The following RAB37 variants were observed in gnomAD, a reference collection of about 807,000 sequenced individuals.
The protein encoded by RAB37 is RAB37, member RAS oncogene family.
In RAB37, 29 loss-of-function variants were observed where a neutral mutation model predicts 33.1. The observed-to-expected ratio is 0.88, with a 90% confidence interval of 0.65 to 1.20. The LOEUF (loss-of-function observed/expected upper bound fraction) is 1.20. Ranked by LOEUF, RAB37 falls within the 50% of genes most tolerant of loss-of-function variation. The pLI, the probability that RAB37 is intolerant of heterozygous loss-of-function variation, is 0.00. For missense variants in RAB37, 299 were observed against 301.1 expected (o/e 0.99, Z 0.05); for synonymous variants, 128 against 119.5 (o/e 1.07, Z -0.47).
In RAB37 at chr17:74,731,287, G is replaced by A. The variant is rs117526638; in HGVS notation, c.183+1921G>A. On this transcript the variant is annotated intron_variant, in intron 2 of 7. Transcript: ENST00000340415. ...GGCCAGGCTGTAGCCTGCAACTCCT[G>A]CATGATGGGAAGGGAGGCAGGTGCT... is the stretch of plus-strand genomic sequence containing the variant. 9.6e-3 allele frequency among the ~76,000 whole-genome samples: 1,468 copies of A among 152,340 alleles called. 11 individuals are homozygous for A. Among genetic ancestry groups the A allele is most frequent in the Middle Eastern group, 0.024 (7 of 294 alleles).
chr17:74,737,196 G>A (rs1407504365), upstream of RAB37: 1 of 1,531,390 alleles, frequency 6.5e-7, no homozygotes, highest in Non-Finnish European at 8.7e-7. Flanking sequence ...GGGGAGGAGT[G>A]GGCGGGGCGG....
chr17:74,713,458 C>T (rs945493757), intron 1 of RAB37, among the ~76,000 whole-genome samples: 2 of 152,060 alleles, frequency 1.3e-5, no homozygotes, highest in African/African-American at 4.8e-5. Flanking sequence ...AAGAGAACTT[C>T]GTGGCTCCTC....
intron 1 of RAB37, among the ~76,000 whole-genome samples, chr17:74,674,523 C>T (rs986302336): frequency 1.4e-4 from 21 of 151,932 alleles, no homozygotes; most frequent in Admixed American, 9.8e-4. Flanking sequence ...ACTAAAAATA[C>T]AAAAATCAGC....
rs774904081 is a variant in RAB37, at chr17:74,703,131, G to A, written c.73-26125G>A. On this transcript the variant is annotated intron_variant, in intron 1 of 7. Transcript: ENST00000340415. ...CGTAGTGGAGGTAGGCGTGGTGGGG[G>A]CAGGAGTCGACGCTGTAGTTGATGC... is the stretch of plus-strand genomic sequence containing the variant. The A allele has an allele frequency of 9.9e-6, 16 of 1,613,354 alleles. No individual in the cohort carries two copies. In the South Asian group the frequency reaches 1.6e-4, roughly 17 times the overall value.
chr17:74,717,504 C>T (rs1371101417), intron 1 of RAB37, among the ~76,000 whole-genome samples: 1 of 152,106 alleles, frequency 6.6e-6, no homozygotes, highest in Non-Finnish European at 1.5e-5. Flanking sequence ...GGGATTAGTG[C>T]CCTTATAAGA....
chr17:74,718,222 AGACG>A (rs1243905497), intron 1 of RAB37, among the ~76,000 whole-genome samples: 9 of 152,146 alleles, frequency 5.9e-5, no homozygotes, highest in African/African-American at 2.2e-4. Context: ...TGAGCCCAGG[AGACG>A]GAGGTTGCAG....
intron 1 of RAB37, among the ~76,000 whole-genome samples, chr17:74,721,220 T>G (rs1045853950): frequency 6.6e-6 from 1 of 152,170 alleles, no homozygotes; most frequent in Non-Finnish European, 1.5e-5. Flanking sequence ...GGCTTGAGGG[T>G]GGAGCCATCG....
intron 1 of RAB37, among the ~76,000 whole-genome samples, chr17:74,740,474 TGG>T (rs2034585598): frequency 6.6e-6 from 1 of 152,162 alleles, no homozygotes; most frequent in South Asian, 2.1e-4. Flanking sequence ...GGTGGTTCTC[TGG>T]GGCCACAGAG....
At chr17:74,724,555 CT>C (rs1346469942) in intron 1 of RAB37, among the ~76,000 whole-genome samples, 13 of 152,318 alleles carry the variant, frequency 8.5e-5, no homozygotes, top group African/African-American at 3.1e-4. Context: ...AGCAACGTGG[CT>C]GTTTATTTCA....
At chr17:74,703,925 G>T (rs966311080) in intron 1 of RAB37, among the ~76,000 whole-genome samples, 1 of 152,248 alleles carries the variant, frequency 6.6e-6, no homozygotes, top group African/African-American at 2.4e-5. Flanking sequence ...CACACAAATG[G>T]CTCATGGTGG....
rs2034666793 is a variant in RAB37, at chr17:74,743,284, C to T, written c.314-4C>T. On this transcript the variant is annotated splice_region_variant and splice_polypyrimidine_tract_variant and intron_variant, in intron 4 of 8. Coordinates refer to ENST00000392613, the MANE Select transcript of RAB37 (RefSeq NM_001006638.3). ...AGTCCCCTCTGTGATCCTCTCCCCT[C>T]CAGCCTTGCTTCTGCTGTATGACAT... 6.2e-7 allele frequency: 1 copy of T among 1,614,142 alleles called. No individual in the cohort carries two copies. The highest frequency in any genetic ancestry group is 8.5e-7 in the Non-Finnish European group (1 of 1,180,020).
At chr17:74,743,225 C>T (rs781717345) in intron 4 of RAB37, 30 bp downstream of exon 4, 2 of 1,613,684 alleles carry the variant, frequency 1.2e-6, no homozygotes. Context: ...CAACCCCTAC[C>T]CCAGCCCCTT....
In RAB37 at chr17:74,729,006, TTC is replaced by T. The variant is rs1410325794; in HGVS notation, c.73-248_73-247del. 1.3e-5 allele frequency among the ~76,000 whole-genome samples: 2 copies of T among 151,974 alleles called. No individual in the cohort carries two copies. The highest frequency in any genetic ancestry group is 2.9e-5 in the Non-Finnish European group (2 of 67,980). ...TATGTGTGTGCTTCTGTGTGTATGT[TTC>T]TGTGTGTATGTGTGTTCTGTGTGTG... On this transcript the variant is annotated intron_variant, in intron 1 of 7. Transcript: ENST00000340415. The surrounding 1 kb of genome is among the most constrained non-coding windows in gnomAD (Gnocchi z 4.2).
intron 1 of RAB37, among the ~76,000 whole-genome samples, chr17:74,696,646 C>T (rs1168731384): frequency 6.6e-6 from 1 of 152,220 alleles, no homozygotes; most frequent in Non-Finnish European, 1.5e-5. Flanking sequence ...GTCTAATCCC[C>T]CTCCCGGGCC....
intron 1 of RAB37, among the ~76,000 whole-genome samples, chr17:74,711,465 A>C (rs73361347): frequency 6.6e-6 from 1 of 152,306 alleles, no homozygotes; most frequent in African/African-American, 2.4e-5. Context: ...ACTCGGGGCC[A>C]AGTGTCCATG....
chr17:74,719,731 G>A (rs2034214025), intron 1 of RAB37, among the ~76,000 whole-genome samples: 1 of 151,976 alleles, frequency 6.6e-6, no homozygotes, highest in Non-Finnish European at 1.5e-5. Flanking sequence ...TTTCAAGCTG[G>A]TCTCGAACTC....
In RAB37 at chr17:74,742,402, C is replaced by T. The variant is rs1470745913; in HGVS notation, c.246+107C>T. 7 of 819,710 alleles carry T rather than the reference C, an allele frequency of 8.5e-6. No homozygotes were observed. Among genetic ancestry groups the T allele is most frequent in the African/African-American group, 1.8e-5 (1 of 56,916 alleles). 50.8% of individuals were successfully genotyped at this position (819,710 alleles called of 1,614,324 possible). Reference sequence around the variant, plus strand: ...CCCTGCCCTCCGCCTGGGGCAATTTCCTGTGGGGCCCACGGGAGGAAATGG... The same window carrying T: ...CCCTGCCCTCCGCCTGGGGCAATTTTCTGTGGGGCCCACGGGAGGAAATGG... On this transcript the variant is annotated intron_variant, in intron 3 of 8. Transcript: ENST00000392613. The surrounding 1 kb of genome is among the most constrained non-coding windows in gnomAD (Gnocchi z 4.0).
At chr17:74,736,626 G>A, upstream of RAB37, 1 of 1,534,680 alleles carries the variant, frequency 6.5e-7, no homozygotes, top group African/African-American at 1.4e-5. Context: ...GACATTCTGG[G>A]CACAACCAAC....
chr17:74,702,200 G>C (rs549266491), intron 1 of RAB37, among the ~76,000 whole-genome samples: 3 of 152,090 alleles, frequency 2.0e-5, no homozygotes, highest in Non-Finnish European at 4.4e-5. Context: ...ACAAAGTCAA[G>C]AGGGCCAAGG....
Sources: gnomAD v4.1 joint callset for allele counts (sites outside exome capture counted in the v4.1 genomes callset) on GRCh38, gnomAD v4.1.1 for gene constraint, Gnocchi (gnomAD v3.1) non-coding constraint, MANE v1.5 for transcripts, NCBI Gene and HGNC (gene_info 2026-07-23, HGNC 2026-07-21) for gene names.